PRPSAP2: variants seen among roughly 807,000 people sequenced by gnomAD.
PRPSAP2 encodes the protein phosphoribosyl pyrophosphate synthetase associated protein 2, also known as phosphoribosyl pyrophosphate synthase-associated protein 2.
PRPSAP2 carries 24 observed loss-of-function variants against 40.6 expected under a neutral mutation model. The ratio of observed to expected loss-of-function variants is 0.59; its 90% CI spans 0.43 to 0.83. The LOEUF (loss-of-function observed/expected upper bound fraction) is 0.83, where lower values mean the gene tolerates loss of function less well. Among genes scored for constraint, PRPSAP2 ranks in the 40% least tolerant of loss-of-function variants. PRPSAP2 has a pLI of 0.00. For synonymous variants in PRPSAP2, 149 were observed against 164.7 expected (o/e 0.90, Z 0.73); for missense variants, 292 against 465.6 (o/e 0.63, Z 3.43).
chr17:18,865,963 AT>A lies in PRPSAP2; in HGVS notation c.119+13del. 1 of 1,401,594 alleles carries A rather than the reference AT, an allele frequency of 7.1e-7. No homozygotes were observed. The highest frequency in any genetic ancestry group is 2.7e-5 in the East Asian group (1 of 37,698). The allele number at this position is 1,401,594 out of a possible 1,614,324, so 86.8% of individuals were successfully genotyped here. On this transcript the variant is annotated intron_variant, in intron 3 of 11. Coordinates refer to ENST00000268835, the MANE Select transcript of PRPSAP2 (RefSeq NM_002767.4). ...AAAGAAAATTGCAGAGTGAGTTATA[AT>A]TGTACCATTAAAATCTATATTCATT...
intron 8 of PRPSAP2, among the ~76,000 whole-genome samples, chr17:18,892,205 C>T (rs1031357831): frequency 1.3e-5 from 2 of 152,050 alleles, no homozygotes; most frequent in Non-Finnish European, 2.9e-5. Flanking sequence ...TATGTGTATA[C>T]TAGTTTGTTT....
chr17:18,857,287 A>C (rs2036641841), upstream of PRPSAP2, among the ~76,000 whole-genome samples: 1 of 151,882 alleles, frequency 6.6e-6, no homozygotes, highest in African/African-American at 2.4e-5. Context: ...GTGAGCTGAG[A>C]TCGCGCCGAT....
chr17:18,873,398 G>T (rs2038046092), intron 5 of PRPSAP2, among the ~76,000 whole-genome samples: 2 of 151,920 alleles, frequency 1.3e-5, no homozygotes, highest in South Asian at 4.2e-4. Flanking sequence ...TAGAGACAGG[G>T]TTTCTCCATG....
At chr17:18,907,176 A>G (rs1474343810) in intron 8 of PRPSAP2, among the ~76,000 whole-genome samples, 1 of 152,136 alleles carries the variant, frequency 6.6e-6, no homozygotes, top group Admixed American at 6.6e-5. Context: ...ATTCTTAAAC[A>G]CTTGAACATT....
chr17:18,895,290 G>A (rs546767007), intron 8 of PRPSAP2, among the ~76,000 whole-genome samples: 3 of 151,348 alleles, frequency 2.0e-5, no homozygotes, highest in African/African-American at 7.3e-5. Context: ...TAGAGACGGG[G>A]GTCTGACTGT....
chr17:18,910,968 TG>T, intron 8 of PRPSAP2, 134 bp from the exon 9 acceptor site: 5 of 1,058,230 alleles, frequency 4.7e-6, no homozygotes, highest in Non-Finnish European at 6.4e-6. Flanking sequence ...AGTCTAAGGC[TG>T]TTTTATTCTC....
intron 1 of PRPSAP2, chr17:18,864,913 C>T (rs905366584): frequency 6.6e-6 from 1 of 152,238 alleles, no homozygotes; most frequent in African/African-American, 2.4e-5. Flanking sequence ...GTGGCACGAT[C>T]TCAGCTCACT....
chr17:18,897,589 G>A (rs2039991369), intron 8 of PRPSAP2, among the ~76,000 whole-genome samples: 1 of 152,052 alleles, frequency 6.6e-6, no homozygotes, highest in African/African-American at 2.4e-5. Context: ...AGCCTCCTGA[G>A]TAGCTGGGAT....
intron 4 of PRPSAP2, among the ~76,000 whole-genome samples, chr17:18,868,100 A>T (rs1167165421): frequency 6.6e-6 from 1 of 152,070 alleles, no homozygotes; most frequent in Non-Finnish European, 1.5e-5. Flanking sequence ...CATACCACAG[A>T]GTGAGACCCT....
At chr17:18,915,980 C>T (rs991523269) in intron 9 of PRPSAP2, among the ~76,000 whole-genome samples, 5 of 152,028 alleles carry the variant, frequency 3.3e-5, no homozygotes, top group South Asian at 2.1e-4. Context: ...CCACCACACC[C>T]GGCTAATTTT....
In PRPSAP2 at chr17:18,912,802, AGGTGGG is replaced by A. The variant is rs1316734929; in HGVS notation, c.733+1552_733+1557del. On this transcript the variant is annotated intron_variant, in intron 9 of 11. Coordinates refer to ENST00000268835, the MANE Select transcript of PRPSAP2 (RefSeq NM_002767.4). ...GTAGTCCCAGCGTTTTGGGTAGCCAAGGTGGGAGGGTTGCTTGAGGCCAGGAGTTCG... is the reference window on the plus strand; with the variant it reads ...GTAGTCCCAGCGTTTTGGGTAGCCAAAGGGTTGCTTGAGGCCAGGAGTTCG... Among the ~76,000 whole-genome samples the A allele has an allele frequency of 2.0e-4, 31 of 152,330 alleles. 1 individual carries two copies. The highest frequency in any genetic ancestry group is 2.2e-4 in the Non-Finnish European group (15 of 68,034).
chr17:18,929,684 A>G (rs1419974953), intron 11 of PRPSAP2: 1 of 152,200 alleles, frequency 6.6e-6, no homozygotes, highest in African/African-American at 2.4e-5. Flanking sequence ...AGCATGAATC[A>G]ATACTTCATT....
intron 6 of PRPSAP2, among the ~76,000 whole-genome samples, chr17:18,881,842 A>ATTTTT (rs368088976): frequency 7.6e-6 from 1 of 131,698 alleles, no homozygotes; most frequent in Non-Finnish European, 1.6e-5. Context: ...CATGAGAGCA[A>ATTTTT]TTTTTTTTTT....
Position 18,930,674 on chromosome 17 carries a change from C to T in PRPSAP2, c.1086C>T (p.Phe362=). ...IHNGESMSYL[F]RNIGLDD ...ATGGGGAGTCCATGTCCTACCTTTT[C>T]AGAAACATAGGCTTAGATGACTGAG... is the stretch of plus-strand genomic sequence containing the variant. The change falls in exon 12 of 12, where the codon TTC becomes TTT. Residue 362 remains phenylalanine, a synonymous_variant. Transcript: ENST00000268835. The T allele has an allele frequency of 3.7e-6, 6 of 1,613,210 alleles. No individual in the cohort carries two copies. Among genetic ancestry groups the T allele is most frequent in the Non-Finnish European group, 5.1e-6 (6 of 1,179,514 alleles).
chr17:18,929,358 A>ATAAT (rs138431172), intron 11 of PRPSAP2, among the ~76,000 whole-genome samples: 3 of 144,770 alleles, frequency 2.1e-5, no homozygotes, highest in Non-Finnish European at 4.5e-5. Context: ...CTCTTGTCTC[A>ATAAT]AATAATAATA....
intron 6 of PRPSAP2, 132 bp downstream of exon 6, chr17:18,878,002 A>G (rs1379676179): frequency 2.1e-6 from 2 of 952,438 alleles, no homozygotes; most frequent in African/African-American, 1.7e-5. Flanking sequence ...GCTCACTGCA[A>G]CTTGAACTCC....
At chr17:18,904,189 T>A (rs2040443603) in intron 8 of PRPSAP2, 1 of 152,192 alleles carries the variant, frequency 6.6e-6, no homozygotes, top group Admixed American at 6.5e-5. Context: ...TTAATAAGCA[T>A]CAAAGAACTT....
chr17:18,866,941 A>C (rs11868500), intron 3 of PRPSAP2, among the ~76,000 whole-genome samples: 6 of 151,460 alleles, frequency 4.0e-5, no homozygotes, highest in Non-Finnish European at 7.4e-5. Context: ...TGGAGGCAGA[A>C]CCCCCCCAAG....
intron 8 of PRPSAP2, among the ~76,000 whole-genome samples, chr17:18,891,563 C>T (rs1265541461): frequency 1.3e-5 from 2 of 152,200 alleles, no homozygotes; most frequent in Non-Finnish European, 2.9e-5. Flanking sequence ...CTCTGATATA[C>T]ATGCTTTAAA....
Sources: gnomAD v4.1 joint callset for allele counts (sites outside exome capture counted in the v4.1 genomes callset) on GRCh38, gnomAD v4.1.1 for gene constraint, MANE v1.5 for transcripts, NCBI Gene and HGNC (gene_info 2026-07-23, HGNC 2026-07-21) for gene names.